PUS10: variants seen among roughly 807,000 people sequenced by gnomAD.
The protein encoded by PUS10 is pseudouridine synthase 10.
PUS10 carries 59 observed loss-of-function variants against 75.0 expected under a neutral mutation model. The ratio of observed to expected loss-of-function variants is 0.79; its 90% CI spans 0.64 to 0.98. The LOEUF (loss-of-function observed/expected upper bound fraction) is 0.98. Among genes scored for constraint, PUS10 ranks in the 50% least tolerant of loss-of-function variants. The pLI, the probability that PUS10 is intolerant of heterozygous loss-of-function variation, is 0.00. For synonymous variants in PUS10, 219 were observed against 211.6 expected, an observed-to-expected ratio of 1.03 and a Z score of -0.30; for missense variants, 650 against 614.4, an observed-to-expected ratio of 1.06 and a Z score of -0.61.
At chr2:60,952,772 G>A (rs1675421060) in intron 15 of PUS10, among the ~76,000 whole-genome samples, 1 of 152,220 alleles carries the variant, frequency 6.6e-6, no homozygotes, top group Non-Finnish European at 1.5e-5. Flanking sequence ...CAGGCAAACT[G>A]TCTTCAGAGT....
Position 60,947,620 on chromosome 2 carries a change from G to A in PUS10, c.1451+423C>T, listed in dbSNP as rs527711433. 1.0e-3 allele frequency among the ~76,000 whole-genome samples: 158 copies of A among 152,192 alleles called. 1 individual carries two copies. Among genetic ancestry groups the A allele is most frequent in the Middle Eastern group, 3.4e-3 (1 of 294 alleles). ...CGAGGTGGGCGGATCACGAGGTCAGGAGATAGAGACCATCCTGGCTAACAC... is the reference window on the plus strand; with the variant it reads ...CGAGGTGGGCGGATCACGAGGTCAGAAGATAGAGACCATCCTGGCTAACAC... On this transcript the variant is annotated intron_variant, in intron 16 of 17. Coordinates refer to ENST00000316752, the MANE Select transcript of PUS10 (RefSeq NM_144709.4).
chr2:60,965,008 C>T (rs765613738), intron 8 of PUS10, 50 bp downstream of exon 8: 1 of 1,527,306 alleles, frequency 6.5e-7, no homozygotes, highest in Non-Finnish European at 9.0e-7. Context: ...TTTGAATATT[C>T]AGCTCAGACA....
intron 15 of PUS10, among the ~76,000 whole-genome samples, chr2:60,951,175 ATT>A (rs780509904): frequency 6.6e-6 from 1 of 151,958 alleles, no homozygotes. Flanking sequence ...TTGCCATACA[ATT>A]TGTTTTCTAC....
chr2:60,986,554 T>C (rs537157516), intron 4 of PUS10, among the ~76,000 whole-genome samples: 2 of 152,348 alleles, frequency 1.3e-5, no homozygotes, highest in South Asian at 4.1e-4. Flanking sequence ...GCACTTTTCT[T>C]AAAATTATAT....
At chr2:60,991,109 G>A (rs1349878082) in intron 4 of PUS10, among the ~76,000 whole-genome samples, 1 of 152,090 alleles carries the variant, frequency 6.6e-6, no homozygotes, top group Non-Finnish European at 1.5e-5. Context: ...AAACTCCTGG[G>A]CTCAGGCAAT....
At chr2:61,011,716 A>T in intron 2 of PUS10, 49 bp downstream of exon 2, 1 of 1,392,662 alleles carries the variant, frequency 7.2e-7, no homozygotes, top group Non-Finnish European at 9.5e-7. Flanking sequence ...TGTAAAATAC[A>T]GAGAACCTTC....
chr2:60,950,725 T>A (rs998309707), intron 15 of PUS10, among the ~76,000 whole-genome samples: 3 of 152,102 alleles, frequency 2.0e-5, no homozygotes, highest in Non-Finnish European at 4.4e-5. Context: ...GGCCTGATTT[T>A]GTTTTTTTTA....
chr2:60,951,186 A>G (rs1242527914), intron 15 of PUS10, among the ~76,000 whole-genome samples: 1 of 152,100 alleles, frequency 6.6e-6, no homozygotes, highest in East Asian at 1.9e-4. Context: ...TTTGTTTTCT[A>G]CACAATCCTC....
chr2:60,956,771 C>T (rs901655705), intron 11 of PUS10, among the ~76,000 whole-genome samples: 3 of 151,772 alleles, frequency 2.0e-5, no homozygotes, highest in Non-Finnish European at 2.9e-5. Flanking sequence ...GTCAGAAGAT[C>T]GAGACCATCC....
intron 4 of PUS10, among the ~76,000 whole-genome samples, chr2:60,977,743 C>T (rs928162233): frequency 1.3e-5 from 2 of 151,996 alleles, no homozygotes; most frequent in African/African-American, 4.8e-5. Flanking sequence ...GTCTGTAATT[C>T]CTGATGGAGG....
intron 10 of PUS10, among the ~76,000 whole-genome samples, chr2:60,961,128 T>C (rs1676002773): frequency 1.3e-5 from 2 of 152,344 alleles, no homozygotes; most frequent in South Asian, 2.1e-4. Flanking sequence ...TTTTATGTTA[T>C]AAAATAGCCT....
Position 60,960,457 on chromosome 2 carries a change from C to G in PUS10, c.935G>C (p.Arg312Thr). 6.3e-7 allele frequency: 1 copy of G among 1,575,046 alleles called. No homozygotes were observed. Among genetic ancestry groups the G allele is most frequent in the East Asian group, 2.4e-5 (1 of 42,132 alleles). The change falls in exon 11 of 18, where the codon AGG becomes ACG. Residue 312 changes from arginine (R) to threonine (T), a missense_variant. Transcript: ENST00000316752. ...TTCTTCCACTGAAGATTCCAGCTTCCTTTCTCCATCAATTATCCAAGGAGT... is the reference window on the plus strand; with the variant it reads ...TTCTTCCACTGAAGATTCCAGCTTCGTTTCTCCATCAATTATCCAAGGAGT... ...PQTPWIIDGE[R>T]KLESSVEELI... is the part of the protein sequence containing the mutation.
chr2:61,005,364 T>A (rs1679143413), intron 4 of PUS10, among the ~76,000 whole-genome samples: 1 of 152,166 alleles, frequency 6.6e-6, no homozygotes, highest in Admixed American at 6.6e-5. Flanking sequence ...AATCATCAAA[T>A]AAGTGATAAA....
intron 2 of PUS10, chr2:61,010,963 A>G: frequency 1.3e-6 from 2 of 1,488,286 alleles, no homozygotes; most frequent in Non-Finnish European, 1.8e-6. Context: ...CTTGACATAT[A>G]GTAATGATAA....
intron 11 of PUS10, among the ~76,000 whole-genome samples, chr2:60,958,702 G>A (rs899135199): frequency 1.9e-4 from 29 of 152,018 alleles, no homozygotes; most frequent in African/African-American, 7.0e-4. Context: ...TTGGCAACAT[G>A]GCAAAACTCC....
At chr2:61,003,335 G>C (rs1678975393) in intron 4 of PUS10, among the ~76,000 whole-genome samples, 1 of 151,782 alleles carries the variant, frequency 6.6e-6, no homozygotes. Context: ...GGTGGCATAT[G>C]CCTGTAATCC....
chr2:61,006,080 TA>T (rs1200890002), intron 4 of PUS10, among the ~76,000 whole-genome samples: 3 of 152,008 alleles, frequency 2.0e-5, no homozygotes, highest in Non-Finnish European at 4.4e-5. Flanking sequence ...GAAAACAGTT[TA>T]AAAAAAATGA....
At chr2:60,970,150 A>G (rs1007020813) in intron 5 of PUS10, among the ~76,000 whole-genome samples, 1 of 152,310 alleles carries the variant, frequency 6.6e-6, no homozygotes, top group Non-Finnish European at 1.5e-5. Flanking sequence ...AATTGAAAAC[A>G]TTTAGAAAAA....
intron 4 of PUS10, among the ~76,000 whole-genome samples, chr2:61,004,386 AG>A (rs1391204753): frequency 6.6e-6 from 1 of 152,166 alleles, no homozygotes; most frequent in Non-Finnish European, 1.5e-5. Context: ...GCACTTTGGG[AG>A]GCCAAGGCGG....
Sources: gnomAD v4.1 joint callset for allele counts (sites outside exome capture counted in the v4.1 genomes callset) on GRCh38, gnomAD v4.1.1 for gene constraint, MANE v1.5 for transcripts, NCBI Gene and HGNC (gene_info 2026-07-23, HGNC 2026-07-21) for gene names.